PCDHA4: variants seen among roughly 807,000 people sequenced by gnomAD.
PCDHA4 encodes protocadherin alpha-4.
Under a neutral mutation model 61.4 loss-of-function variants are expected in PCDHA4, and 49 were observed. The ratio of observed to expected loss-of-function variants is 0.80; its 90% CI spans 0.63 to 1.01. The LOEUF (loss-of-function observed/expected upper bound fraction) is 1.01, where lower values mean the gene tolerates loss of function less well. PCDHA4 is among the 50% of genes least tolerant of loss of function. The pLI, the probability that PCDHA4 is intolerant of heterozygous loss-of-function variation, is 0.00. For synonymous variants in PCDHA4, 590 were observed against 550.3 expected (o/e 1.07, Z -1.01); for missense variants, 1,254 against 1,235.8 (o/e 1.01, Z -0.22).
At chr5:140,822,795 G>C (rs2150119402) in intron 1 of PCDHA4, 1 of 1,614,092 alleles carries the variant, frequency 6.2e-7, no homozygotes, top group East Asian at 2.2e-5. Context: ...TGAAACTCCT[G>C]GATGTGAATG....
At chr5:140,979,537 A>G (rs538323100) in intron 2 of PCDHA4, among the ~76,000 whole-genome samples, 1 of 152,332 alleles carries the variant, frequency 6.6e-6, no homozygotes, top group East Asian at 1.9e-4. Context: ...ATTGTCATCA[A>G]TGACATGGTT....
At chr5:140,842,977 G>T (rs2150349031) in intron 1 of PCDHA4, 2 of 1,595,034 alleles carry the variant, frequency 1.3e-6, no homozygotes, top group Middle Eastern at 1.7e-4. Context: ...TGACGCTGCA[G>T]GTGTTCGTGC....
chr5:140,871,755 T>C (rs2053292269), intron 1 of PCDHA4, among the ~76,000 whole-genome samples: 1 of 152,248 alleles, frequency 6.6e-6, no homozygotes. Context: ...AGAAATGAGA[T>C]GCAAGAGTGA....
chr5:140,886,453 A>G (rs1047264611), intron 1 of PCDHA4, among the ~76,000 whole-genome samples: 1 of 152,140 alleles, frequency 6.6e-6, no homozygotes, highest in Non-Finnish European at 1.5e-5. Flanking sequence ...TAATTTTGTC[A>G]TATATAAATG....
chr5:140,966,057 G>A (rs2153745793), intron 1 of PCDHA4, among the ~76,000 whole-genome samples: 1 of 152,318 alleles, frequency 6.6e-6, no homozygotes, highest in East Asian at 1.9e-4. Flanking sequence ...TAACCCCAGA[G>A]CGCCTCCCCC....
intron 1 of PCDHA4, chr5:140,850,613 G>T: frequency 6.3e-7 from 1 of 1,598,580 alleles, no homozygotes; most frequent in South Asian, 1.1e-5. Flanking sequence ...CCATCTGCGC[G>T]GTGTCTAGCC....
Position 140,850,162 on chromosome 5 carries a change from T to A in PCDHA4, c.2385+40590T>A. On this transcript the variant is annotated intron_variant, in intron 1 of 3. Transcript: ENST00000530339. ...AACGTGACGCTGCAGGTGTTCGTGCTGGACGAGAACGACAATGCGCCGGCG... is the reference window on the plus strand; with the variant it reads ...AACGTGACGCTGCAGGTGTTCGTGCAGGACGAGAACGACAATGCGCCGGCG... 8.8e-6 allele frequency: 14 copies of A among 1,595,026 alleles called. 2 individuals carry two copies. The highest frequency in any genetic ancestry group is 1.2e-5 in the Non-Finnish European group (14 of 1,167,802).
At chr5:140,862,837 A>T (rs1562571150) in intron 1 of PCDHA4, 1 of 575,832 alleles carries the variant, frequency 1.7e-6, no homozygotes, top group African/African-American at 1.9e-5. Context: ...CGACGCGGGC[A>T]TGCCGCCTCT....
chr5:140,860,129 G>GTGTGTATATA (rs1168748861), intron 1 of PCDHA4: 1 of 150,592 alleles, frequency 6.6e-6, no homozygotes, highest in Non-Finnish European at 1.5e-5. Flanking sequence ...TACTGTGTGT[G>GTGTGTATATA]TGTGTATATA....
Position 140,972,800 on chromosome 5 carries a change from A to G in PCDHA4, c.2386-6149A>G, listed in dbSNP as rs937312575. ...TGCCTCAGCCTCCTGAGTAGCTGAGATTACAGGCACGCGCCACCACGCCTG... is the reference window on the plus strand; with the variant it reads ...TGCCTCAGCCTCCTGAGTAGCTGAGGTTACAGGCACGCGCCACCACGCCTG... On this transcript the variant is annotated intron_variant, in intron 1 of 3. Transcript: ENST00000530339. Among the ~76,000 whole-genome samples, 8 of 151,520 alleles carry G rather than the reference A, an allele frequency of 5.3e-5. No individual in the cohort carries two copies. In the South Asian group the frequency reaches 6.3e-4, roughly 12 times the overall value.
chr5:140,884,490 G>A (rs2060210547), intron 1 of PCDHA4: 1 of 1,614,064 alleles, frequency 6.2e-7, no homozygotes, highest in Non-Finnish European at 8.5e-7. Flanking sequence ...ACTCTAGTGT[G>A]CTCCAGCGCG....
At chr5:140,862,618 C>CCG in intron 1 of PCDHA4, 1 of 526,556 alleles carries the variant, frequency 1.9e-6, no homozygotes, top group Non-Finnish European at 3.9e-6. Context: ...AGGTAACAAC[C>CCG]CGCGGGGCTG....
intron 1 of PCDHA4, chr5:140,828,206 G>T: frequency 6.2e-7 from 1 of 1,614,036 alleles, no homozygotes; most frequent in Non-Finnish European, 8.5e-7. Context: ...ACCCGAGGAG[G>T]CCAAACACGG....
intron 1 of PCDHA4, chr5:140,836,321 C>T (rs781844463): frequency 6.2e-7 from 1 of 1,613,768 alleles, no homozygotes; most frequent in Non-Finnish European, 8.5e-7. Context: ...CGCGCCACCG[C>T]CTTCTGGTGC....
Position 140,869,617 on chromosome 5 carries a change from C to G in PCDHA4, c.2385+60045C>G, listed in dbSNP as rs782525218. The stretch of plus-strand genomic sequence containing the variant: ...AGAGAATGCTCTATTGACCTACAGG[C>G]TAAGTAAAAATGAGTATTTTTCTTT... On this transcript the variant is annotated intron_variant, in intron 1 of 3. Transcript: ENST00000530339. 5 of 1,613,828 alleles carry G rather than the reference C, an allele frequency of 3.1e-6. No homozygotes were observed. The highest frequency in any genetic ancestry group is 4.2e-6 in the Non-Finnish European group (5 of 1,179,910).
At chr5:140,815,431 C>T (rs1765724623) in intron 1 of PCDHA4, 1 of 152,032 alleles carries the variant, frequency 6.6e-6, no homozygotes, top group African/African-American at 2.4e-5. Context: ...AAACTGATAG[C>T]ATCTTTACTA....
intron 1 of PCDHA4, chr5:140,864,365 A>G (rs2048439709): frequency 6.6e-6 from 1 of 152,220 alleles, no homozygotes; most frequent in Non-Finnish European, 1.5e-5. Flanking sequence ...TTATCTTTCT[A>G]TAATCGATAA....
At chr5:140,868,911 G>T in intron 1 of PCDHA4, 1 of 892,226 alleles carries the variant, frequency 1.1e-6, no homozygotes. Flanking sequence ...CTCTTTACTT[G>T]GTGGAAAGTT....
At chr5:141,005,228 C>G (rs974482410) in intron 3 of PCDHA4, among the ~76,000 whole-genome samples, 11 of 152,182 alleles carry the variant, frequency 7.2e-5, no homozygotes, top group Admixed American at 2.0e-4. Flanking sequence ...TACTAAACAC[C>G]TGTTATGGGC....
Sources: allele counts gnomAD v4.1 joint callset (sites outside exome capture counted in the v4.1 genomes callset), GRCh38; gene constraint gnomAD v4.1.1; transcripts MANE v1.5; gene names NCBI Gene and HGNC (gene_info 2026-07-23, HGNC 2026-07-21).